The following ZNF521 variants were observed in gnomAD, a reference collection of about 807,000 sequenced individuals.
The protein encoded by ZNF521 is LYST-interacting protein 3.
In ZNF521, 14 loss-of-function variants were observed where a neutral mutation model predicts 105.5. The ratio of observed to expected loss-of-function variants is 0.13; its 90% CI spans 0.09 to 0.21. The LOEUF is 0.21. Among genes scored for constraint, ZNF521 ranks in the 10% least tolerant of loss-of-function variants. ZNF521 has a pLI of 1.00. For synonymous variants in ZNF521, 635 were observed against 606.0 expected, an observed-to-expected ratio of 1.05 and a Z score of -0.70; for missense variants, 1,233 against 1,629.7, an observed-to-expected ratio of 0.76 and a Z score of 4.19.
intron 3 of ZNF521, among the ~76,000 whole-genome samples, chr18:25,261,860 T>A (rs1908933524): frequency 6.6e-6 from 1 of 152,156 alleles, no homozygotes; most frequent in Admixed American, 6.5e-5. Context: ...CGTAACTTAT[T>A]ACCCACCCCC....
At chr18:25,179,447 TTGG>T (rs1186091137) in intron 5 of ZNF521, among the ~76,000 whole-genome samples, 1 of 151,998 alleles carries the variant, frequency 6.6e-6, no homozygotes, top group African/African-American at 2.4e-5. Flanking sequence ...AAACTAGTTG[TTGG>T]TGGTGGTAGT....
intron 5 of ZNF521, among the ~76,000 whole-genome samples, chr18:25,152,123 C>T (rs2035058664): frequency 6.6e-6 from 1 of 152,120 alleles, no homozygotes; most frequent in African/African-American, 2.4e-5. Context: ...CCCTAGCCAC[C>T]CGGAAGATCA....
intron 5 of ZNF521, among the ~76,000 whole-genome samples, chr18:25,123,365 A>G (rs536159726): frequency 6.6e-6 from 1 of 152,294 alleles, no homozygotes; most frequent in African/African-American, 2.4e-5. Flanking sequence ...ATGATAAAGA[A>G]AATGACATAA....
At chr18:25,289,290 A>G (rs1457580295) in intron 3 of ZNF521, among the ~76,000 whole-genome samples, 1 of 152,240 alleles carries the variant, frequency 6.6e-6, no homozygotes, top group African/African-American at 2.4e-5. Flanking sequence ...CCTAAAAAGT[A>G]TTGTGAATAA....
intron 3 of ZNF521, among the ~76,000 whole-genome samples, chr18:25,321,127 GA>G (rs1240722460): frequency 2.6e-5 from 4 of 152,168 alleles, no homozygotes; most frequent in Admixed American, 6.5e-5. Context: ...TTTGTGTTGG[GA>G]AAATAAGAGG....
intron 3 of ZNF521, among the ~76,000 whole-genome samples, chr18:25,276,055 T>C (rs1910016691): frequency 6.6e-6 from 1 of 152,170 alleles, no homozygotes; most frequent in Admixed American, 6.5e-5. Flanking sequence ...ACAGTGATAG[T>C]GGAAAAAGCA....
At chr18:25,212,238 A>G (rs972391019) in intron 4 of ZNF521, among the ~76,000 whole-genome samples, 98 of 151,834 alleles carry the variant, frequency 6.5e-4, no homozygotes, top group African/African-American at 1.9e-3. Context: ...ATGGCCGGGC[A>G]TGGTGGCTCA....
intron 4 of ZNF521, among the ~76,000 whole-genome samples, chr18:25,216,532 T>C (rs1370344441): frequency 6.6e-6 from 1 of 152,188 alleles, no homozygotes; most frequent in African/African-American, 2.4e-5. Flanking sequence ...TTGATGGGCA[T>C]TCAGAGATGA....
intron 3 of ZNF521, among the ~76,000 whole-genome samples, chr18:25,298,935 G>A (rs1010203918): frequency 7.9e-5 from 12 of 152,098 alleles, no homozygotes; most frequent in African/African-American, 1.9e-4. Context: ...ACAATGCAGC[G>A]TTGGCTCCTT....
At position 25,153,048 on chromosome 18, in the gene ZNF521, T is replaced by C. The variant is rs192120001; in HGVS notation, c.3658+42112A>G. Among the ~76,000 whole-genome samples the C allele has an allele frequency of 2.0e-3, 301 of 152,284 alleles. 1 individual carries two copies. Among genetic ancestry groups the C allele is most frequent in the Middle Eastern group, 3.4e-3 (1 of 294 alleles). ...TCTTTATAAAATAGTTACTGACAAA[T>C]AGTGAAACAGCTAGGTTTAAGGTTT... On this transcript the variant is annotated intron_variant, in intron 5 of 7. Transcript: ENST00000361524.
chr18:25,182,532 T>C (rs1033397981), intron 5 of ZNF521, among the ~76,000 whole-genome samples: 2 of 152,214 alleles, frequency 1.3e-5, no homozygotes, highest in Non-Finnish European at 2.9e-5. Flanking sequence ...TTTTCCTTCA[T>C]GTATACTTAA....
intron 5 of ZNF521, among the ~76,000 whole-genome samples, chr18:25,115,223 G>C (rs1472826924): frequency 4.6e-5 from 7 of 152,160 alleles, no homozygotes; most frequent in Non-Finnish European, 1.0e-4. Context: ...ATAATTTGGG[G>C]ATCTGACACT....
At chr18:25,152,124 C>A (rs374351393) in intron 5 of ZNF521, among the ~76,000 whole-genome samples, 1 of 152,100 alleles carries the variant, frequency 6.6e-6, no homozygotes, top group African/African-American at 2.4e-5. Flanking sequence ...CCTAGCCACC[C>A]GGAAGATCAG....
intron 2 of ZNF521, among the ~76,000 whole-genome samples, chr18:25,333,814 C>T (rs1913724705): frequency 6.6e-6 from 1 of 152,216 alleles, no homozygotes; most frequent in South Asian, 2.1e-4. Context: ...TCTCCTCTAT[C>T]TGCTTCATGG....
intron 5 of ZNF521, among the ~76,000 whole-genome samples, chr18:25,128,448 C>T (rs1261415492): frequency 6.6e-6 from 1 of 151,794 alleles, no homozygotes; most frequent in Admixed American, 6.6e-5. Context: ...CAATATCATA[C>T]TGAAAGTTGT....
chr18:25,261,404 G>T (rs1209738349), intron 3 of ZNF521, among the ~76,000 whole-genome samples: 1 of 152,044 alleles, frequency 6.6e-6, no homozygotes, highest in Non-Finnish European at 1.5e-5. Context: ...TATGCTATTT[G>T]CCATTCTTGT....
At chr18:25,332,940 A>G (rs1334175915) in intron 2 of ZNF521, among the ~76,000 whole-genome samples, 1 of 152,146 alleles carries the variant, frequency 6.6e-6, no homozygotes, top group Non-Finnish European at 1.5e-5. Flanking sequence ...CTGTAAATTA[A>G]TAGTTGTTCG....
At chr18:25,119,143 ATAATCT>A (rs760398864) in intron 5 of ZNF521, among the ~76,000 whole-genome samples, 67 of 152,200 alleles carry the variant, frequency 4.4e-4, no homozygotes, top group Middle Eastern at 3.2e-3. Flanking sequence ...TGAAAAAAAG[ATAATCT>A]TAACAATTAT....
At chr18:25,104,704 C>T (rs930306285) in intron 5 of ZNF521, among the ~76,000 whole-genome samples, 1 of 152,014 alleles carries the variant, frequency 6.6e-6, no homozygotes, top group Non-Finnish European at 1.5e-5. Context: ...GTAATTGTTG[C>T]GTAAAACAGG....
Sources: gnomAD v4.1 joint callset for allele counts (sites outside exome capture counted in the v4.1 genomes callset) on GRCh38, gnomAD v4.1.1 for gene constraint, MANE v1.5 for transcripts, NCBI Gene and HGNC (gene_info 2026-07-23, HGNC 2026-07-21) for gene names.